The following BPTF variants were observed in gnomAD, a reference collection of about 807,000 sequenced individuals.
The protein encoded by BPTF is nucleosome-remodeling factor subunit BPTF.
BPTF carries 18 observed loss-of-function variants against 292.5 expected under a neutral mutation model. The ratio of observed to expected loss-of-function variants is 0.06; its 90% confidence interval spans 0.04 to 0.09. The LOEUF (loss-of-function observed/expected upper bound fraction) is 0.09. Among genes scored for constraint, BPTF ranks in the 10% least tolerant of loss-of-function variants. The pLI is 1.00. For synonymous variants in BPTF, 1,225 were observed against 1,251.9 expected (o/e 0.98, Z 0.45); for missense variants, 2,726 against 3,498.7 (o/e 0.78, Z 5.57).
intron 23 of BPTF, among the ~76,000 whole-genome samples, chr17:67,959,175 G>T (rs2067229906): frequency 6.6e-6 from 1 of 152,148 alleles, no homozygotes; most frequent in African/African-American, 2.4e-5. Context: ...GCAACTAGAA[G>T]AAAGCAGCCA....
chr17:67,886,318 T>C, intron 4 of BPTF: 1 of 1,600,786 alleles, frequency 6.2e-7, no homozygotes, highest in Non-Finnish European at 8.5e-7. Context: ...AAGAGATAGG[T>C]AAGAATATAC....
intron 17 of BPTF, among the ~76,000 whole-genome samples, chr17:67,931,545 TG>T (rs2064389157): frequency 6.6e-6 from 1 of 152,192 alleles, no homozygotes; most frequent in Non-Finnish European, 1.5e-5. Context: ...CTGATCTTCC[TG>T]TTATATTCTG....
At chr17:67,862,339 G>A (rs192922381) in intron 2 of BPTF, among the ~76,000 whole-genome samples, 13 of 152,262 alleles carry the variant, frequency 8.5e-5, no homozygotes, top group Non-Finnish European at 1.6e-4. Flanking sequence ...TGACAACTAT[G>A]TATATGATAC....
rs1382232978 is a variant in BPTF, at chr17:67,909,722, G to C, written c.2953G>C (p.Glu985Gln). ...TGCTGCAAAAGGAGCAGACCAAAATGAAATGGATATCTCAAAGATTACTGA... is the reference window on the plus strand; with the variant it reads ...TGCTGCAAAAGGAGCAGACCAAAATCAAATGGATATCTCAAAGATTACTGA... ...SDAAKGADQNEMDISKITEKK... is the reference protein window; with the variant it reads ...SDAAKGADQNQMDISKITEKK... The change falls in exon 10 of 28, where the codon GAA becomes CAA. Residue 985 changes from glutamate (E) to glutamine (Q), a missense_variant. Transcript: ENST00000306378. 4 of 1,588,266 alleles carry C rather than the reference G, an allele frequency of 2.5e-6. No individual in the cohort carries two copies. The highest frequency in any genetic ancestry group is 3.4e-6 in the Non-Finnish European group (4 of 1,170,868).
intron 20 of BPTF, 88 bp downstream of exon 20, chr17:67,944,460 C>A: frequency 7.0e-7 from 1 of 1,435,700 alleles, no homozygotes; most frequent in Non-Finnish European, 9.5e-7. Context: ...CAGTATTTAC[C>A]TTTGGAAGGA....
intron 23 of BPTF, among the ~76,000 whole-genome samples, chr17:67,954,996 T>C (rs1555680311): frequency 6.6e-6 from 1 of 152,116 alleles, no homozygotes; most frequent in African/African-American, 2.4e-5. Context: ...TTGTGATATG[T>C]TTAAAAGCTT....
intron 26 of BPTF, among the ~76,000 whole-genome samples, chr17:67,971,509 T>A (rs1555690891): frequency 1.3e-5 from 2 of 151,824 alleles, no homozygotes; most frequent in African/African-American, 2.4e-5. Flanking sequence ...GAGTTATTTT[T>A]AAATTACACT....
chr17:67,922,727 A>C, intron 13 of BPTF, 113 bp from the exon 14 acceptor site: 1 of 1,148,684 alleles, frequency 8.7e-7, no homozygotes, highest in Non-Finnish European at 1.2e-6. Flanking sequence ...TGCAGCAGAG[A>C]CCATCTGGCT....
At chr17:67,929,774 C>G (rs1303399040) in intron 17 of BPTF, among the ~76,000 whole-genome samples, 2 of 152,174 alleles carry the variant, frequency 1.3e-5, no homozygotes, top group African/African-American at 2.4e-5. Flanking sequence ...GTGGACAGCA[C>G]TAGACCACCC....
chr17:67,928,009 G>T (rs865805920), intron 15 of BPTF, among the ~76,000 whole-genome samples: 1 of 151,830 alleles, frequency 6.6e-6, no homozygotes, highest in Admixed American at 6.6e-5. Context: ...TCAGCCTCCC[G>T]AGTAGTTAGA....
intron 1 of BPTF, among the ~76,000 whole-genome samples, chr17:67,826,840 A>T (rs2143534568): frequency 1.3e-5 from 2 of 152,356 alleles, no homozygotes; most frequent in East Asian, 3.9e-4. Context: ...GTACACAAAC[A>T]CGCACAAAAA....
At chr17:67,886,964 T>C (rs776105655) in intron 4 of BPTF, among the ~76,000 whole-genome samples, 7 of 152,214 alleles carry the variant, frequency 4.6e-5, no homozygotes, top group Admixed American at 1.3e-4. Flanking sequence ...CGTATATCTT[T>C]GTGTACTTGT....
intron 9 of BPTF, among the ~76,000 whole-genome samples, chr17:67,907,049 T>C (rs2062251226): frequency 6.6e-6 from 1 of 151,734 alleles, no homozygotes; most frequent in African/African-American, 2.4e-5. Flanking sequence ...GCCAGACATA[T>C]TGGTACACAC....
chr17:67,897,945 A>C (rs1194162147), intron 7 of BPTF, among the ~76,000 whole-genome samples: 1 of 152,192 alleles, frequency 6.6e-6, no homozygotes, highest in African/African-American at 2.4e-5. Flanking sequence ...TATCTATAAG[A>C]AATCTGAAAA....
intron 27 of BPTF, among the ~76,000 whole-genome samples, chr17:67,979,537 T>TC (rs1474424875): frequency 6.6e-6 from 1 of 151,846 alleles, no homozygotes; most frequent in East Asian, 1.9e-4. Flanking sequence ...AGAGCAAAAC[T>TC]CCGTCTCAAA....
chr17:67,844,561 T>G (rs1352891824), intron 1 of BPTF, among the ~76,000 whole-genome samples: 1 of 143,770 alleles, frequency 7.0e-6, no homozygotes, highest in Admixed American at 6.9e-5. Flanking sequence ...TTTTTTTTCT[T>G]TTTTTTTTTT....
At chr17:67,845,794 A>G (rs1475891969) in intron 1 of BPTF, among the ~76,000 whole-genome samples, 1 of 149,394 alleles carries the variant, frequency 6.7e-6, no homozygotes, top group African/African-American at 2.4e-5. Flanking sequence ...ATTTTATTTT[A>G]TATATATTTA....
rs1206078648 is a variant in BPTF, at chr17:67,840,026, G to A, written c.613+13689G>A. Among the ~76,000 whole-genome samples, 3 of 151,582 alleles carry A rather than the reference G, an allele frequency of 2.0e-5. 1 individual carries two copies. Among genetic ancestry groups the A allele is most frequent in the Non-Finnish European group, 2.9e-5 (2 of 67,910 alleles). On this transcript the variant is annotated intron_variant, in intron 1 of 27. Coordinates refer to ENST00000306378, the MANE Select transcript of BPTF (RefSeq NM_182641.4). ...TGGTTTTAATTTGCTTGTCCCTAAT[G>A]ACAAATGGTTCTGAGCCTCCTTTTA...
In BPTF at chr17:67,983,728, C is replaced by T. The variant is rs570289404; in HGVS notation, c.*1440C>T. 2.6e-5 allele frequency: 4 copies of T among 152,758 alleles called. No homozygotes were observed. Among genetic ancestry groups the T allele is most frequent in the South Asian group, 2.1e-4 (1 of 4,826 alleles). 9.5% of individuals were successfully genotyped at this position (152,758 alleles called of 1,614,324 possible). ...TTGCAAAAATTTTTACTAGATTTTG[C>T]ACTAACTCATATTAGCTTTGTCCTA... On this transcript the variant is annotated 3_prime_UTR_variant, in exon 28 of 28. Coordinates refer to ENST00000306378, the MANE Select transcript of BPTF (RefSeq NM_182641.4).
Sources: allele counts gnomAD v4.1 joint callset (sites outside exome capture counted in the v4.1 genomes callset), GRCh38; gene constraint gnomAD v4.1.1; transcripts MANE v1.5; gene names NCBI Gene and HGNC (gene_info 2026-07-23, HGNC 2026-07-21).